The following ADD3 variants were observed in gnomAD, a reference collection of about 807,000 sequenced individuals.
ADD3 encodes the protein gamma-adducin.
ADD3 carries 25 observed loss-of-function variants against 80.2 expected under a neutral mutation model. The observed-to-expected ratio is 0.31, with a 90% CI of 0.23 to 0.44. The LOEUF (loss-of-function observed/expected upper bound fraction) is 0.44. Ranked by LOEUF, ADD3 falls within the 20% of genes least tolerant of loss-of-function variation. The pLI is 1.00. For missense variants in ADD3, 829 were observed against 847.5 expected, an observed-to-expected ratio of 0.98 and a Z score of 0.27; for synonymous variants, 284 against 289.6, an observed-to-expected ratio of 0.98 and a Z score of 0.20.
At chr10:110,054,073 A>C (rs1857836478) in intron 1 of ADD3, among the ~76,000 whole-genome samples, 1 of 152,198 alleles carries the variant, frequency 6.6e-6, no homozygotes. Flanking sequence ...ATGTTTGAAA[A>C]CTAAGCTGTA....
intron 1 of ADD3, among the ~76,000 whole-genome samples, chr10:110,031,960 G>A (rs1292807638): frequency 6.6e-6 from 1 of 151,522 alleles, no homozygotes; most frequent in Non-Finnish European, 1.5e-5. Context: ...ACTTCAAAGA[G>A]ATTTAATCTT....
intron 1 of ADD3, among the ~76,000 whole-genome samples, chr10:110,019,544 C>T (rs1363606274): frequency 6.6e-6 from 1 of 152,110 alleles, no homozygotes; most frequent in Admixed American, 6.6e-5. Flanking sequence ...TTAGTGGAGA[C>T]GGGTTTTCAC....
rs1851818118 is a variant in ADD3, at chr10:110,007,999, A to T, written c.-330A>T. 6.6e-6 allele frequency: 1 copy of T among 152,126 alleles called. No homozygotes were observed. The highest frequency in any genetic ancestry group is 2.1e-4 in the South Asian group (1 of 4,834). 9.4% of individuals were successfully genotyped at this position (152,126 alleles called of 1,614,324 possible). On this transcript the variant is annotated 5_prime_UTR_variant, in exon 1 of 15. Transcript: ENST00000356080. The stretch of plus-strand genomic sequence containing the variant: ...TAGTCCCGCCAGAGCGCGAGCCGCC[A>T]GCCCGTAACGGTCGCCAGTGTGAGG...
intron 1 of ADD3, among the ~76,000 whole-genome samples, chr10:110,067,965 T>C (rs1393960862): frequency 6.6e-6 from 1 of 152,198 alleles, no homozygotes; most frequent in Non-Finnish European, 1.5e-5. Flanking sequence ...TATCCTAACT[T>C]TCTCTATACT....
chr10:110,096,570 A>G (rs990731642), intron 1 of ADD3, among the ~76,000 whole-genome samples: 3 of 152,118 alleles, frequency 2.0e-5, no homozygotes, highest in African/African-American at 7.2e-5. Flanking sequence ...ACCTGGACTC[A>G]TTCATGTTGC....
At chr10:110,007,724 G>C (rs1200914340), upstream of ADD3, among the ~76,000 whole-genome samples, 5 of 152,178 alleles carry the variant, frequency 3.3e-5, no homozygotes, top group African/African-American at 1.2e-4. Flanking sequence ...TTGAGGGCGC[G>C]GAGGGGGCTG....
chr10:110,119,099 T>G, intron 6 of ADD3, 112 bp from the exon 7 acceptor site: 2 of 1,168,128 alleles, frequency 1.7e-6, no homozygotes, highest in Non-Finnish European at 2.4e-6. Flanking sequence ...GCTGCAATGG[T>G]GAAACACAGT....
At chr10:110,107,235 C>T (rs894337014) in intron 2 of ADD3, among the ~76,000 whole-genome samples, 3 of 152,144 alleles carry the variant, frequency 2.0e-5, no homozygotes, top group Admixed American at 1.3e-4. Context: ...GGAAAGTTCA[C>T]AGTGAAGTGT....
At chr10:110,030,660 C>A (rs1017241934) in intron 1 of ADD3, among the ~76,000 whole-genome samples, 1 of 151,454 alleles carries the variant, frequency 6.6e-6, no homozygotes, top group Non-Finnish European at 1.5e-5. Flanking sequence ...GGCTGTTTAT[C>A]GCTTGAAATG....
At chr10:110,065,698 C>T (rs1473891209) in intron 1 of ADD3, among the ~76,000 whole-genome samples, 3 of 151,336 alleles carry the variant, frequency 2.0e-5, no homozygotes, top group African/African-American at 4.8e-5. Flanking sequence ...TGCCACCATG[C>T]CCGGCTAGTT....
At chr10:110,103,418 C>T (rs566455767) in intron 2 of ADD3, among the ~76,000 whole-genome samples, 1 of 152,320 alleles carries the variant, frequency 6.6e-6, no homozygotes, top group African/African-American at 2.4e-5. Context: ...TTTACTGGGG[C>T]TGGAGGATCC....
At chr10:110,029,906 C>T (rs1854788127) in intron 1 of ADD3, among the ~76,000 whole-genome samples, 1 of 151,994 alleles carries the variant, frequency 6.6e-6, no homozygotes, top group Admixed American at 6.5e-5. Context: ...TAAAAATTGC[C>T]CAGACTCGTA....
intron 1 of ADD3, among the ~76,000 whole-genome samples, chr10:110,076,627 T>A (rs1173085908): frequency 2.0e-5 from 3 of 152,200 alleles, no homozygotes; most frequent in Admixed American, 2.0e-4. Flanking sequence ...GCTGAAGTAA[T>A]GTTTTAGAAT....
At position 110,133,378 on chromosome 10, in the gene ADD3, GGTA is replaced by G. The variant is rs774187109; in HGVS notation, c.1885_1887del (p.Val629del). 18 of 1,608,482 alleles carry G rather than the reference GGTA, an allele frequency of 1.1e-5. No individual in the cohort carries two copies. The highest frequency in any genetic ancestry group is 5.3e-5 in the African/African-American group (4 of 74,830). On this transcript the variant is annotated inframe_deletion, in exon 15 of 15. Coordinates refer to ENST00000356080, the MANE Select transcript of ADD3 (RefSeq NM_016824.5). The stretch of plus-strand genomic sequence containing the variant: ...TCATCTCCATGGAAGTGCCTGTCAT[GGTA>G]GTAAATGGCAAGGATGATATGCATG...
At position 110,129,073 on chromosome 10, in the gene ADD3, C is replaced by T. The variant is rs185600032; in HGVS notation, c.1609-1290C>T. Among the ~76,000 whole-genome samples the T allele has an allele frequency of 5.3e-5, 8 of 151,936 alleles. No homozygotes were observed. In the East Asian group the frequency reaches 1.5e-3, roughly 29 times the overall value. On this transcript the variant is annotated intron_variant, in intron 12 of 14. Transcript: ENST00000356080. The stretch of plus-strand genomic sequence containing the variant: ...CTGGAAAAGAACTCCAGTCTCCTGC[C>T]AGTTTCCAACCATCATTCTAGGAGC...
In ADD3 at chr10:110,124,135, C is replaced by G. The variant is rs1381316121; in HGVS notation, c.1262C>G (p.Pro421Arg). 1.2e-6 allele frequency: 2 copies of G among 1,613,992 alleles called. No homozygotes were observed. The highest frequency in any genetic ancestry group is 1.7e-6 in the Non-Finnish European group (2 of 1,180,006). ...TTTTCCTTTGAAGACGATACAGTGC[C>G]ACTCTCTCCTCTCAAATACATGGCA... is the stretch of plus-strand genomic sequence containing the variant. ...TAFSFEDDTV[P>R]LSPLKYMAQR... The change falls in exon 10 of 15, where the codon CCA (proline) becomes CGA (arginine). Residue 421 changes from proline to arginine, a missense_variant. Physicochemically the swap from Pro to Arg is moderately radical, Grantham distance 103 (BLOSUM62 -2). Transcript: ENST00000356080.
chr10:110,058,835 C>G (rs1000388324), intron 1 of ADD3, among the ~76,000 whole-genome samples: 6 of 152,154 alleles, frequency 3.9e-5, no homozygotes, highest in Non-Finnish European at 7.3e-5. Flanking sequence ...TTCAGTATCA[C>G]AAATCCATTC....
intron 1 of ADD3, among the ~76,000 whole-genome samples, chr10:110,049,180 G>C (rs544644301): frequency 6.6e-6 from 1 of 152,214 alleles, no homozygotes; most frequent in Non-Finnish European, 1.5e-5. Context: ...GTCAAGAATT[G>C]AGGTTTGGGA....
chr10:110,096,030 A>T (rs1848108401), intron 1 of ADD3, among the ~76,000 whole-genome samples: 1 of 152,122 alleles, frequency 6.6e-6, no homozygotes, highest in South Asian at 2.1e-4. Context: ...CTTCTTGACT[A>T]TATTACTGTC....
Sources: allele counts gnomAD v4.1 joint callset (sites outside exome capture counted in the v4.1 genomes callset), GRCh38; gene constraint gnomAD v4.1.1; transcripts MANE v1.5; gene names NCBI Gene and HGNC (gene_info 2026-07-23, HGNC 2026-07-21).